The following MAGI2 variants were observed in gnomAD, a reference collection of about 807,000 sequenced individuals.
MAGI2 encodes membrane associated guanylate kinase, WW and PDZ domain containing 2.
Under a neutral mutation model 133.3 loss-of-function variants are expected in MAGI2, and 35 were observed. The observed-to-expected ratio is 0.26, with a 90% CI of 0.20 to 0.35. The LOEUF is 0.35. Among genes scored for constraint, MAGI2 ranks in the 10% least tolerant of loss-of-function variants. MAGI2 has a pLI of 1.00. For missense variants in MAGI2, 1,636 were observed against 1,863.4 expected (o/e 0.88, Z 2.25); for synonymous variants, 729 against 710.6 (o/e 1.03, Z -0.41).
chr7:78,495,733 T>C (rs1794029654), intron 5 of MAGI2, among the ~76,000 whole-genome samples: 1 of 152,200 alleles, frequency 6.6e-6, no homozygotes, highest in South Asian at 2.1e-4. Context: ...GCATTTGCCA[T>C]TTTATCTTTC....
intron 1 of MAGI2, among the ~76,000 whole-genome samples, chr7:79,022,454 A>G (rs1809432011): frequency 1.3e-5 from 2 of 152,154 alleles, no homozygotes; most frequent in Non-Finnish European, 2.9e-5. Context: ...ACCCAACATC[A>G]TATCTAGAGG....
At chr7:78,044,984 C>T (rs6465979) in intron 21 of MAGI2, among the ~76,000 whole-genome samples, 91,066 of 151,896 alleles carry the variant, frequency 0.6, 28,646 homozygotes, top group African/African-American at 0.8. Context: ...CTGGCCAACA[C>T]GGTGAAACCC....
rs1391449704 is a variant in MAGI2 at position 79,299,603 on chromosome 7, C to A, written c.301+153417G>T. On this transcript the variant is annotated intron_variant, in intron 1 of 21. Coordinates refer to ENST00000354212, the MANE Select transcript of MAGI2 (RefSeq NM_012301.4). ...TCTTTATTGTCCAAGGCATTCCTTT[C>A]TTGAAATGGTAATATAAAATTATAT... Among the ~76,000 whole-genome samples, 3 of 141,950 alleles carry A rather than the reference C, an allele frequency of 2.1e-5. No individual in the cohort carries two copies. In the East Asian group the frequency reaches 6.5e-4, roughly 31 times the overall value. The allele number at this position is 141,950 out of a possible 152,430, so 93.1% of individuals were successfully genotyped here. A position where few individuals can be genotyped will look rare whatever the true frequency, so the allele number is the denominator to read the frequency against.
intron 1 of MAGI2, among the ~76,000 whole-genome samples, chr7:79,324,611 A>G (rs1839487570): frequency 8.2e-5 from 1 of 12,172 alleles, no homozygotes; most frequent in African/African-American, 1.9e-4. Context: ...TATATAAAAA[A>G]TATATATAAT....
chr7:79,019,557 T>A (rs1421183070), intron 1 of MAGI2, among the ~76,000 whole-genome samples: 2 of 151,804 alleles, frequency 1.3e-5, no homozygotes, highest in Non-Finnish European at 2.9e-5. Context: ...TTTTCTTTCT[T>A]TTTTTTTGAG....
intron 7 of MAGI2, among the ~76,000 whole-genome samples, chr7:78,368,034 G>A (rs1793559551): frequency 1.3e-5 from 2 of 152,114 alleles, no homozygotes; most frequent in South Asian, 4.1e-4. Context: ...TGTGGAAAAT[G>A]AGCTGAATTC....
chr7:79,234,353 T>A (rs908791722), intron 1 of MAGI2, among the ~76,000 whole-genome samples: 1 of 151,798 alleles, frequency 6.6e-6, no homozygotes, highest in Non-Finnish European at 1.5e-5. Flanking sequence ...CCTTGTTAGA[T>A]TGGGGAAGTT....
chr7:79,315,422 G>T (rs1446240863), intron 1 of MAGI2, among the ~76,000 whole-genome samples: 1 of 147,772 alleles, frequency 6.8e-6, no homozygotes, highest in South Asian at 2.2e-4. Context: ...TGATCCACCC[G>T]CCTCAGCCCT....
chr7:79,164,492 C>T (rs1339652390), intron 1 of MAGI2, among the ~76,000 whole-genome samples: 1 of 151,798 alleles, frequency 6.6e-6, no homozygotes, highest in Non-Finnish European at 1.5e-5. Flanking sequence ...AGAGATTAAC[C>T]GAGAGTCTAG....
intron 2 of MAGI2, among the ~76,000 whole-genome samples, chr7:78,810,412 G>A (rs1788946141): frequency 6.6e-6 from 1 of 152,078 alleles, no homozygotes; most frequent in Admixed American, 6.5e-5. Flanking sequence ...ACTTGCCAAA[G>A]TATAATCTTA....
At chr7:78,348,430 A>G (rs1562866517) in intron 7 of MAGI2, 1 of 152,156 alleles carries the variant, frequency 6.6e-6, no homozygotes, top group Non-Finnish European at 1.5e-5. Context: ...TTTGAGGTAC[A>G]GTTATTTCTT....
chr7:78,911,536 C>T (rs984160162), intron 2 of MAGI2, among the ~76,000 whole-genome samples: 24 of 152,072 alleles, frequency 1.6e-4, no homozygotes, highest in Admixed American at 1.1e-3. Flanking sequence ...AGACACTAAA[C>T]CTGTCAGCAT....
At chr7:78,921,339 A>G (rs1799206109) in intron 2 of MAGI2, among the ~76,000 whole-genome samples, 1 of 152,190 alleles carries the variant, frequency 6.6e-6, no homozygotes, top group East Asian at 1.9e-4. Context: ...TTTATCATGC[A>G]TAAAAACCAT....
chr7:78,939,114 C>T (rs1419285978), intron 2 of MAGI2, among the ~76,000 whole-genome samples: 1 of 152,102 alleles, frequency 6.6e-6, no homozygotes, highest in East Asian at 1.9e-4. Context: ...CTGCCTTGGC[C>T]TCCCAAGTAG....
intron 2 of MAGI2, 66 bp from the exon 3 acceptor site, chr7:78,627,305 C>A: frequency 1.5e-6 from 2 of 1,350,814 alleles, no homozygotes; most frequent in Non-Finnish European, 1.9e-6. Context: ...TTTAGAAATA[C>A]CACCATACTT....
At position 78,883,588 on chromosome 7, in the gene MAGI2, G is replaced by C. The variant is rs1270812351; in HGVS notation, c.418+123502C>G. Among the ~76,000 whole-genome samples, 3 of 152,026 alleles carry C rather than the reference G, an allele frequency of 2.0e-5. No individual in the cohort carries two copies. The South Asian group carries it at 6.2e-4, about 32-fold the overall frequency. On this transcript the variant is annotated intron_variant, in intron 2 of 21. Coordinates refer to ENST00000354212, the MANE Select transcript of MAGI2 (RefSeq NM_012301.4). The stretch of plus-strand genomic sequence containing the variant: ...ATCAGTCCTAAGAAAAAAGAACAAA[G>C]CTGGAGGCATCGCATTATCCAACTT...
intron 6 of MAGI2, among the ~76,000 whole-genome samples, chr7:78,387,038 A>C (rs1444149890): frequency 6.6e-6 from 1 of 152,226 alleles, no homozygotes; most frequent in Non-Finnish European, 1.5e-5. Context: ...CCTGATAGAC[A>C]CAGGGCATAT....
At chr7:78,645,139 T>C (rs1227613235) in intron 2 of MAGI2, among the ~76,000 whole-genome samples, 1 of 151,832 alleles carries the variant, frequency 6.6e-6, no homozygotes, top group Non-Finnish European at 1.5e-5. Context: ...TGTATGTCAG[T>C]GTGTGTCTAC....
At chr7:78,088,793 C>A (rs970152837) in intron 20 of MAGI2, among the ~76,000 whole-genome samples, 1 of 152,334 alleles carries the variant, frequency 6.6e-6, no homozygotes, top group African/African-American at 2.4e-5. Context: ...AGATGTCCAC[C>A]TCCTAGTCCC....
Sources: allele counts gnomAD v4.1 joint callset (sites outside exome capture counted in the v4.1 genomes callset), GRCh38; gene constraint gnomAD v4.1.1; transcripts MANE v1.5; gene names NCBI Gene and HGNC (gene_info 2026-07-23, HGNC 2026-07-21).